The following MAML3 variants were observed in gnomAD, a reference collection of about 807,000 sequenced individuals.
The protein encoded by MAML3 is mastermind like transcriptional coactivator 3.
A neutral mutation model predicts 101.9 loss-of-function variants in MAML3; 27 were observed. The observed-to-expected ratio is 0.27, with a 90% CI of 0.20 to 0.37. The LOEUF (loss-of-function observed/expected upper bound fraction) is 0.37, where lower values mean the gene tolerates loss of function less well. Ranked by LOEUF, MAML3 falls within the 10% of genes least tolerant of loss-of-function variation. The probability of loss-of-function intolerance (pLI) is 1.00; values close to 1 mark genes in which losing one functional copy is unlikely to be tolerated. For missense variants in MAML3, 1,316 were observed against 1,444.9 expected, an observed-to-expected ratio of 0.91 and a Z score of 1.45; for synonymous variants, 501 against 555.9, an observed-to-expected ratio of 0.90 and a Z score of 1.39.
At chr4:139,960,816 T>A (rs1733998338) in intron 1 of MAML3, among the ~76,000 whole-genome samples, 1 of 151,704 alleles carries the variant, frequency 6.6e-6, no homozygotes, top group South Asian at 2.1e-4. Flanking sequence ...GAAAACCTGG[T>A]GGCAAATAGG....
chr4:139,722,658 A>G (rs1446848989), intron 4 of MAML3, among the ~76,000 whole-genome samples: 4 of 152,200 alleles, frequency 2.6e-5, no homozygotes, highest in African/African-American at 9.6e-5. Context: ...AAAAATAAGT[A>G]TTTCCCCATA....
chr4:139,887,798 C>T (rs561513226), intron 2 of MAML3, among the ~76,000 whole-genome samples: 30 of 152,328 alleles, frequency 2.0e-4, no homozygotes, highest in Admixed American at 1.4e-3. Context: ...ATCTCATAAA[C>T]CTTCTGACAC....
intron 2 of MAML3, among the ~76,000 whole-genome samples, chr4:139,796,271 C>A (rs185737937): frequency 6.6e-6 from 1 of 151,844 alleles, no homozygotes; most frequent in Non-Finnish European, 1.5e-5. Context: ...GAAGAAACTT[C>A]GAAAAAAGAA....
chr4:139,953,667 T>G (rs1474875419), intron 1 of MAML3, among the ~76,000 whole-genome samples: 1 of 152,190 alleles, frequency 6.6e-6, no homozygotes, highest in African/African-American at 2.4e-5. Context: ...AGTTTTTAGA[T>G]CAGCAGGAGA....
intron 1 of MAML3, among the ~76,000 whole-genome samples, chr4:139,928,328 G>T (rs1291854057): frequency 6.6e-6 from 1 of 152,184 alleles, no homozygotes; most frequent in Non-Finnish European, 1.5e-5. Flanking sequence ...CACGCTGAAG[G>T]CCGTGGGCTC....
intron 1 of MAML3, among the ~76,000 whole-genome samples, chr4:139,948,075 G>A (rs1192009670): frequency 6.7e-6 from 1 of 150,372 alleles, no homozygotes; most frequent in Non-Finnish European, 1.5e-5. Flanking sequence ...ACGCCAGTCT[G>A]GGCAACAAGA....
chr4:140,136,660 A>G (rs1728887921), intron 1 of MAML3, among the ~76,000 whole-genome samples: 1 of 152,222 alleles, frequency 6.6e-6, no homozygotes, highest in South Asian at 2.1e-4. Flanking sequence ...TCCCTTTGCA[A>G]AGGATCCCCA....
At chr4:139,925,426 C>T (rs966560999) in intron 1 of MAML3, among the ~76,000 whole-genome samples, 1 of 152,106 alleles carries the variant, frequency 6.6e-6, no homozygotes. Context: ...GATGGGGTTT[C>T]GTCATGTTGG....
At chr4:140,096,812 CGA>C (rs779187474) in intron 1 of MAML3, among the ~76,000 whole-genome samples, 14 of 151,826 alleles carry the variant, frequency 9.2e-5, no homozygotes, top group African/African-American at 2.7e-4. Context: ...AGCAAGATAC[CGA>C]GAGAGTTACA....
chr4:139,902,261 ACG>A (rs146598943), intron 1 of MAML3, among the ~76,000 whole-genome samples: 3,922 of 70,688 alleles, frequency 0.055, 67 homozygotes, highest in Middle Eastern at 0.15. Context: ...ACGCACACAC[ACG>A]CACACACACA....
chr4:140,024,296 C>T (rs559335996), intron 1 of MAML3, among the ~76,000 whole-genome samples: 1 of 151,582 alleles, frequency 6.6e-6, no homozygotes, highest in Non-Finnish European at 1.5e-5. Flanking sequence ...GGTGCTATCA[C>T]AGCTCACTGC....
At chr4:139,744,291 G>A (rs1729255347) in intron 2 of MAML3, among the ~76,000 whole-genome samples, 1 of 152,170 alleles carries the variant, frequency 6.6e-6, no homozygotes, top group South Asian at 2.1e-4. Context: ...TATCCTTAGT[G>A]TCATTTTCAG....
At chr4:140,000,854 C>A (rs972260197) in intron 1 of MAML3, among the ~76,000 whole-genome samples, 4 of 151,964 alleles carry the variant, frequency 2.6e-5, no homozygotes, top group Non-Finnish European at 5.9e-5. Context: ...ATGGAGAAAC[C>A]CCATCTCTAC....
intron 1 of MAML3, among the ~76,000 whole-genome samples, chr4:140,021,393 C>T (rs1342262183): frequency 6.6e-6 from 1 of 152,146 alleles, no homozygotes; most frequent in Non-Finnish European, 1.5e-5. Flanking sequence ...TATGTAAGAA[C>T]AAATATCATC....
intron 1 of MAML3, among the ~76,000 whole-genome samples, chr4:139,891,708 C>T (rs75820178): frequency 4.3e-4 from 66 of 152,284 alleles, no homozygotes; most frequent in African/African-American, 1.3e-3. Context: ...AAAATAAAAA[C>T]TTCTAAGAAT....
intron 1 of MAML3, among the ~76,000 whole-genome samples, chr4:139,948,056 C>T (rs1425020326): frequency 2.0e-5 from 3 of 151,794 alleles, no homozygotes; most frequent in Non-Finnish European, 2.9e-5. Flanking sequence ...GCCAAGATCA[C>T]GCCATTGCAC....
chr4:139,942,008 G>C (rs1202185911), intron 1 of MAML3, among the ~76,000 whole-genome samples: 1 of 152,042 alleles, frequency 6.6e-6, no homozygotes, highest in Non-Finnish European at 1.5e-5. Flanking sequence ...GGTGGCAGGC[G>C]CCTGTGATCC....
chr4:139,799,382 G>A (rs1730567530), intron 2 of MAML3, among the ~76,000 whole-genome samples: 1 of 152,114 alleles, frequency 6.6e-6, no homozygotes, highest in Non-Finnish European at 1.5e-5. Context: ...TAATGATAAA[G>A]GTAGCTATTC....
intron 1 of MAML3, among the ~76,000 whole-genome samples, chr4:139,993,655 G>A (rs751860278): frequency 9.2e-5 from 14 of 151,676 alleles, no homozygotes; most frequent in Non-Finnish European, 1.9e-4. Context: ...ATGAAACCTC[G>A]TCTCTACTAA....
Sources: allele counts gnomAD v4.1 joint callset (sites outside exome capture counted in the v4.1 genomes callset), GRCh38; gene constraint gnomAD v4.1.1; transcripts MANE v1.5; gene names NCBI Gene and HGNC (gene_info 2026-07-23, HGNC 2026-07-21).